DST: variants seen among roughly 807,000 people sequenced by gnomAD.
DST encodes dystonin, also known as bullous pemphigoid antigen.
DST carries 253 observed loss-of-function variants against 875.2 expected under a neutral mutation model. That is an observed-to-expected ratio of 0.29 (90% CI 0.26 to 0.32). The LOEUF (loss-of-function observed/expected upper bound fraction) is 0.32. DST is among the 10% of genes least tolerant of loss of function. The pLI, the probability that DST is intolerant of heterozygous loss-of-function variation, is 1.00. For missense variants in DST, 8,287 were observed against 9,111.6 expected (o/e 0.91, Z 3.68); for synonymous variants, 3,124 against 3,197.1 (o/e 0.98, Z 0.77).
chr6:56,729,344 A>C (rs2099486761), intron 5 of DST, among the ~76,000 whole-genome samples: 1 of 152,152 alleles, frequency 6.6e-6, no homozygotes. Context: ...TAATCCCAGC[A>C]GTTTGGGAGG....
At position 56,780,802 on chromosome 6, in the gene DST, A is replaced by G. The variant is rs538096811; in HGVS notation, c.626-45513T>C. 3.2e-3 allele frequency among the ~76,000 whole-genome samples: 485 copies of G among 151,946 alleles called. 3 individuals carry two copies. The highest frequency in any genetic ancestry group is 0.011 in the African/African-American group (470 of 41,416). On this transcript the variant is annotated intron_variant, in intron 4 of 103. Coordinates refer to ENST00000680361, the MANE Select transcript of DST (RefSeq NM_001374736.1). ...TGTTTTAGACATGAAGTCCTTGCCC[A>G]TGCCTATGTCCTGAATGGTAATGCC...
At chr6:56,513,716 A>T (rs1178712740) in intron 72 of DST, among the ~76,000 whole-genome samples, 1 of 152,098 alleles carries the variant, frequency 6.6e-6, no homozygotes, top group Non-Finnish European at 1.5e-5. Context: ...GCAAGAGAAC[A>T]CCTACCAGCC....
chr6:56,644,616 A>T (rs974671604), intron 15 of DST, among the ~76,000 whole-genome samples: 21 of 152,248 alleles, frequency 1.4e-4, no homozygotes, highest in African/African-American at 4.6e-4. Context: ...CAAGATAAGC[A>T]CTATGAAGGA....
intron 4 of DST, among the ~76,000 whole-genome samples, chr6:56,767,208 T>C (rs1457934981): frequency 6.6e-6 from 1 of 152,210 alleles, no homozygotes; most frequent in Non-Finnish European, 1.5e-5. Context: ...AACTAATATT[T>C]ATTGAAAACC....
chr6:56,806,279 A>C (rs944414048), intron 4 of DST, among the ~76,000 whole-genome samples: 1 of 152,236 alleles, frequency 6.6e-6, no homozygotes, highest in Non-Finnish European at 1.5e-5. Context: ...CAATCTACAA[A>C]ATACTCCAGT....
In DST at chr6:56,529,674, A is replaced by G. The variant is rs775207899; in HGVS notation, c.17369T>C (p.Met5790Thr). The G allele has an allele frequency of 3.1e-6, 5 of 1,613,754 alleles. No homozygotes were observed. Among genetic ancestry groups the G allele is most frequent in the Middle Eastern group, 1.7e-4 (1 of 6,060 alleles). Residue 5790 changes from methionine to threonine, a missense_variant, in exon 66 of 104, where the codon ATG becomes ACG. This residue lies in a region of DST where 777 missense variants were observed against 764.8 expected (regional missense o/e 1.02). Transcript: ENST00000680361. ...AGAGAAGTCTAATTTACTCTGCACC[A>G]TATCTTTATCCTCCCTGGAGCTCAA... ...KVLSSREDKD[M>T]VQSKLDFSQV...
rs770605509 is a variant in DST at position 56,552,400 on chromosome 6, C to T, written c.16392G>A (p.Arg5464=). 2.5e-5 allele frequency: 40 copies of T among 1,613,818 alleles called. No individual in the cohort carries two copies. The highest frequency in any genetic ancestry group is 3.1e-5 in the Non-Finnish European group (37 of 1,179,888). The change falls in exon 61 of 104, where the codon AGG becomes AGA. Residue 5464 remains arginine (R), a synonymous_variant. Coordinates refer to ENST00000680361, the MANE Select transcript of DST (RefSeq NM_001374736.1). ...ETSPDLVGIK[R]DLEALSKQCN... The stretch of plus-strand genomic sequence containing the variant: ...ATTGTTTGCTTAAGGCCTCCAAGTC[C>T]CTTTTGATTCCAACAAGGTCAGGAG...
chr6:56,476,350 C>G lies in DST; in HGVS notation c.21676-13G>C. ...CCCAGGCCAGCACCTGTCAGAGAAA[C>G]AGAAATTTCTCTGAATTTCCTCCAA... On this transcript the variant is annotated splice_polypyrimidine_tract_variant and intron_variant, in intron 91 of 103. Coordinates refer to ENST00000680361, the MANE Select transcript of DST (RefSeq NM_001374736.1). 3 of 1,534,260 alleles carry G rather than the reference C, an allele frequency of 2.0e-6. No homozygotes were observed. Among genetic ancestry groups the G allele is most frequent in the Non-Finnish European group, 2.6e-6 (3 of 1,142,316 alleles).
chr6:56,627,906 G>A, intron 33 of DST, 93 bp downstream of exon 33: 3 of 1,242,740 alleles, frequency 2.4e-6, no homozygotes, highest in Non-Finnish European at 3.5e-6. Flanking sequence ...TAAAGAGTTG[G>A]TGACTTTTTC....
chr6:56,722,856 G>T (rs1352739048), intron 5 of DST, among the ~76,000 whole-genome samples: 1 of 152,176 alleles, frequency 6.6e-6, no homozygotes, highest in African/African-American at 2.4e-5. Flanking sequence ...TCATAACATA[G>T]GTAACTTCTG....
intron 61 of DST, among the ~76,000 whole-genome samples, chr6:56,551,566 T>A (rs547757835): frequency 2.0e-5 from 3 of 152,182 alleles, no homozygotes; most frequent in Admixed American, 6.5e-5. Flanking sequence ...TTAAGTGTCA[T>A]TGATCACTGT....
intron 4 of DST, among the ~76,000 whole-genome samples, chr6:56,778,384 A>AT (rs905719054): frequency 8.4e-4 from 76 of 90,784 alleles, no homozygotes; most frequent in African/African-American, 1.9e-3. Flanking sequence ...TCTGTTAGTT[A>AT]TTTTTTTTTT....
At chr6:56,571,330 G>C (rs1019228697) in intron 53 of DST, among the ~76,000 whole-genome samples, 8 of 152,252 alleles carry the variant, frequency 5.3e-5, no homozygotes, top group Admixed American at 4.6e-4. Flanking sequence ...AGAAAACCAA[G>C]AACATTTCTT....
rs1393213019 is a variant in DST, at chr6:56,639,546, A to C, written c.2763T>G (p.Asn921Lys). The change falls in exon 21 of 104, where the codon AAT becomes AAG. Residue 921 changes from asparagine (N) to lysine (K), a missense_variant. Transcript: ENST00000680361. ...TLHNFVSRATNELIWLNEKEE... is the reference protein window; with the variant it reads ...TLHNFVSRATKELIWLNEKEE... ...CTTTTTCATTCAACCAAATAAGTTC[A>C]TTAGTCGCACGACTTACAAAATTAT... 1 of 1,613,816 alleles carries C rather than the reference A, an allele frequency of 6.2e-7. No individual in the cohort carries two copies. Among genetic ancestry groups the C allele is most frequent in the African/African-American group, 1.3e-5 (1 of 74,930 alleles).
intron 86 of DST, 132 bp downstream of exon 86, chr6:56,489,357 TA>T (rs1258425344): frequency 1.2e-6 from 1 of 823,590 alleles, no homozygotes; most frequent in African/African-American, 1.8e-5. Flanking sequence ...CAATAGCTTT[TA>T]AATTTAATAC....
intron 3 of DST, chr6:56,871,776 TAAAA>T (rs746142378): frequency 7.3e-4 from 70 of 95,380 alleles, no homozygotes; most frequent in South Asian, 1.5e-3. Context: ...CAATTAAAAG[TAAAA>T]AAAAAAAAAA....
intron 2 of DST, among the ~76,000 whole-genome samples, chr6:56,905,573 G>A (rs1015629561): frequency 6.6e-6 from 1 of 151,836 alleles, no homozygotes; most frequent in African/African-American, 2.4e-5. Context: ...TCATACTGTT[G>A]CATATGCCAG....
chr6:56,900,370 A>C (rs909976088), intron 3 of DST, 51 bp downstream of exon 3: 1 of 1,289,402 alleles, frequency 7.8e-7, no homozygotes, highest in African/African-American at 1.5e-5. Flanking sequence ...GAACAACCAC[A>C]TGATTTGACA....
intron 2 of DST, among the ~76,000 whole-genome samples, chr6:56,900,875 CAAAAAA>C (rs539371079): frequency 2.1e-5 from 2 of 96,192 alleles, no homozygotes; most frequent in East Asian, 2.9e-4. Flanking sequence ...AAAGCCAGTC[CAAAAAA>C]AAAAAAAAAA....
Sources: allele counts gnomAD v4.1 joint callset (sites outside exome capture counted in the v4.1 genomes callset), GRCh38; gene constraint gnomAD v4.1.1; regional missense constraint gnomAD v4.1.1; transcripts MANE v1.5; gene names NCBI Gene and HGNC (gene_info 2026-07-23, HGNC 2026-07-21).